The following STAM variants were observed in gnomAD, a reference collection of about 807,000 sequenced individuals.
The protein encoded by STAM is signal transducing adaptor molecule, also known as signal transducing adapter molecule 1.
A neutral mutation model predicts 63.4 loss-of-function variants in STAM; 16 were observed. The ratio of observed to expected loss-of-function variants is 0.25; its 90% CI spans 0.17 to 0.38. The LOEUF is 0.38. Ranked by LOEUF, STAM falls within the 10% of genes least tolerant of loss-of-function variation. The probability of loss-of-function intolerance (pLI) is 1.00; values close to 1 mark genes in which losing one functional copy is unlikely to be tolerated. For missense variants in STAM, 636 were observed against 657.1 expected, an observed-to-expected ratio of 0.97 and a Z score of 0.35; for synonymous variants, 238 against 223.9, an observed-to-expected ratio of 1.06 and a Z score of -0.56.
chr10:17,670,604 C>A (rs1308601195), intron 2 of STAM, among the ~76,000 whole-genome samples: 2 of 152,094 alleles, frequency 1.3e-5, no homozygotes, highest in Non-Finnish European at 2.9e-5. Flanking sequence ...GTTACATGGT[C>A]TAGAAAACTC....
Position 17,698,507 on chromosome 10 carries a change from AAG to A in STAM, c.823+1642_823+1643del, listed in dbSNP as rs368719685. Among the ~76,000 whole-genome samples, 709 of 151,992 alleles carry A rather than the reference AAG, an allele frequency of 4.7e-3. 3 individuals are homozygous for A. The highest frequency in any genetic ancestry group is 0.016 in the African/African-American group (681 of 41,434). ...ATGTTTTTCACTCTGGACGATCTAAAAGAGAAACTGAAGCATCAGAGCCTATG... is the reference window on the plus strand; with the variant it reads ...ATGTTTTTCACTCTGGACGATCTAAAAGAAACTGAAGCATCAGAGCCTATG... On this transcript the variant is annotated intron_variant, in intron 8 of 13. Transcript: ENST00000377524.
chr10:17,698,449 T>A (rs939152755), intron 8 of STAM, among the ~76,000 whole-genome samples: 1 of 151,420 alleles, frequency 6.6e-6, no homozygotes, highest in Non-Finnish European at 1.5e-5. Flanking sequence ...CATATAGCAA[T>A]GCAGCTTCAA....
chr10:17,677,386 G>T (rs1660647348), intron 2 of STAM, among the ~76,000 whole-genome samples: 1 of 151,984 alleles, frequency 6.6e-6, no homozygotes. Context: ...CTAAAATATT[G>T]AGCTGAATCA....
chr10:17,644,485 C>T (rs1025183458), intron 1 of STAM, 106 bp downstream of exon 1: 19 of 1,340,052 alleles, frequency 1.4e-5, no homozygotes, highest in East Asian at 2.4e-5. Flanking sequence ...AGGAAGAGCT[C>T]GCTCTTCCCC....
At chr10:17,671,583 G>A (rs982312811) in intron 2 of STAM, among the ~76,000 whole-genome samples, 2 of 152,214 alleles carry the variant, frequency 1.3e-5, no homozygotes, top group East Asian at 1.9e-4. Flanking sequence ...CATGACAGGC[G>A]GGTTACTACT....
chr10:17,684,665 AT>A lies in STAM; in HGVS notation c.126-3del. On this transcript the variant is annotated splice_polypyrimidine_tract_variant and intron_variant, in intron 2 of 13. Transcript: ENST00000377524. ...TTATTAAGTAATTTTTACTTTTCTC[AT>A]TTTTTTAGACCTAAGGATTGTCTTC... The A allele has an allele frequency of 1.2e-6, 2 of 1,608,312 alleles. No homozygotes were observed. The highest frequency in any genetic ancestry group is 1.7e-5 in the Admixed American group (1 of 58,688).
intron 2 of STAM, among the ~76,000 whole-genome samples, chr10:17,678,765 C>A (rs1834958990): frequency 1.3e-5 from 2 of 152,164 alleles, no homozygotes; most frequent in South Asian, 4.1e-4. Context: ...AAACTCTACA[C>A]CTTTGAAATA....
At chr10:17,691,185 T>C (rs7919471) in intron 5 of STAM, among the ~76,000 whole-genome samples, 61,784 of 152,002 alleles carry the variant, frequency 0.41, 12,660 homozygotes, top group Middle Eastern at 0.54. Context: ...AGTTGTATTC[T>C]GTGAACACCA....
chr10:17,686,349 T>C (rs1835292752), intron 4 of STAM, among the ~76,000 whole-genome samples: 1 of 151,932 alleles, frequency 6.6e-6, no homozygotes, highest in Non-Finnish European at 1.5e-5. Context: ...ACAGTGAACA[T>C]ATTGGTTTTG....
Position 17,693,211 on chromosome 10 carries a change from T to C in STAM, c.445-11T>C, listed in dbSNP as rs782029189. On this transcript the variant is annotated splice_polypyrimidine_tract_variant and intron_variant, in intron 5 of 13. Transcript: ENST00000377524. Reference sequence around the variant, plus strand: ...ACAACCCTCAAATACTGTGTTCCTCTTTTTTGTTAGGCTGCAGAACAAGCA... The same window carrying C: ...ACAACCCTCAAATACTGTGTTCCTCCTTTTTGTTAGGCTGCAGAACAAGCA... The C allele has an allele frequency of 2.7e-5, 43 of 1,611,768 alleles. No homozygotes were observed. The Middle Eastern group carries it at 1.8e-3, about 68-fold the overall frequency.
At position 17,681,737 on chromosome 10, in the gene STAM, C is replaced by G. The variant is rs114171087; in HGVS notation, c.126-2938C>G. ...TCCAGAACATAGCATGTTTAAGTGA[C>G]AGGTATGAATCTTGTTAGTGCCTAT... is the stretch of plus-strand genomic sequence containing the variant. On this transcript the variant is annotated intron_variant, in intron 2 of 13. Coordinates refer to ENST00000377524, the MANE Select transcript of STAM (RefSeq NM_003473.4). Among the ~76,000 whole-genome samples the G allele has an allele frequency of 4.1e-3, 631 of 152,290 alleles. 7 individuals carry two copies. Among genetic ancestry groups the G allele is most frequent in the African/African-American group, 0.015 (612 of 41,544 alleles).
rs1217408454 is a variant in STAM, at chr10:17,716,717, C to T, written c.*1937C>T. Among the ~76,000 whole-genome samples the T allele has an allele frequency of 2.6e-5, 4 of 152,080 alleles. No individual in the cohort carries two copies. The highest frequency in any genetic ancestry group is 2.1e-4 in the South Asian group (1 of 4,820). ...ACTATGATTTTTGCCCTATAAAAGT[C>T]AAGTAACAGTGAATAGAAAAAACTA... On this transcript the variant is annotated 3_prime_UTR_variant, in exon 14 of 14. Coordinates refer to ENST00000377524, the MANE Select transcript of STAM (RefSeq NM_003473.4).
intron 1 of STAM, among the ~76,000 whole-genome samples, chr10:17,659,528 G>C (rs1214686566): frequency 3.2e-5 from 4 of 125,452 alleles, no homozygotes; most frequent in Admixed American, 9.5e-5. Context: ...GGAGTGCAGT[G>C]TACGATCATA....
intron 4 of STAM, among the ~76,000 whole-genome samples, chr10:17,685,927 T>C (rs1394549262): frequency 6.6e-6 from 1 of 152,148 alleles, no homozygotes; most frequent in Admixed American, 6.5e-5. Flanking sequence ...TTTGGCCTTT[T>C]TAGGGGGAGT....
At chr10:17,692,720 T>C (rs1484443480) in intron 5 of STAM, among the ~76,000 whole-genome samples, 1 of 152,306 alleles carries the variant, frequency 6.6e-6, no homozygotes, top group Admixed American at 6.5e-5. Flanking sequence ...GTTTACAAAA[T>C]AGGATTTTTG....
intron 1 of STAM, among the ~76,000 whole-genome samples, chr10:17,655,759 A>C (rs1554822058): frequency 1.3e-5 from 2 of 152,116 alleles, no homozygotes; most frequent in Non-Finnish European, 1.5e-5. Flanking sequence ...AGTCATTTCC[A>C]CTGTCCCCCC....
At chr10:17,669,871 ATTCTT>A (rs1431163417) in intron 2 of STAM, among the ~76,000 whole-genome samples, 3 of 135,270 alleles carry the variant, frequency 2.2e-5, no homozygotes, top group South Asian at 2.4e-4. Context: ...TGCCCGGCCA[ATTCTT>A]TTCTTTTCTT....
At chr10:17,669,848 C>T (rs77062281) in intron 2 of STAM, among the ~76,000 whole-genome samples, 12,132 of 150,880 alleles carry the variant, frequency 0.08, 535 homozygotes, top group Middle Eastern at 0.13. Context: ...CAGGCACCCG[C>T]CCCTATGCCC....
In STAM at chr10:17,700,246, A is replaced by AGAACCAGAGCCG. The variant is rs1835932512; in HGVS notation, c.887_898dup (p.Glu296_Pro299dup). 1 of 1,610,286 alleles carries AGAACCAGAGCCG rather than the reference A, an allele frequency of 6.2e-7. No homozygotes were observed. The highest frequency in any genetic ancestry group is 1.3e-5 in the African/African-American group (1 of 74,798). On this transcript the variant is annotated inframe_insertion, in exon 9 of 14. Transcript: ENST00000377524. ...GTGATGATGTTCAGGTAGAGACAAT[A>AGAACCAGAGCCG]GAACCAGAGCCGGAACCAGCCTTTA...
Sources: allele counts gnomAD v4.1 joint callset (sites outside exome capture counted in the v4.1 genomes callset), GRCh38; gene constraint gnomAD v4.1.1; transcripts MANE v1.5; gene names NCBI Gene and HGNC (gene_info 2026-07-23, HGNC 2026-07-21).